Variants in CDO1 observed in about 807,000 individuals in gnomAD.
CDO1 encodes the protein cysteine dioxygenase, type I.
In CDO1, 19 loss-of-function variants were observed where a neutral mutation model predicts 24.5. The ratio of observed to expected loss-of-function variants is 0.77; its 90% CI spans 0.54 to 1.14. CDO1 has a LOEUF of 1.14. CDO1 is among the 50% of genes most tolerant of loss of function. CDO1 has a pLI of 0.00. For missense variants in CDO1, 244 were observed against 244.8 expected, an observed-to-expected ratio of 1.00 and a Z score of 0.02; for synonymous variants, 91 against 87.0, an observed-to-expected ratio of 1.05 and a Z score of -0.26.
intron 3 of CDO1, among the ~76,000 whole-genome samples, chr5:115,810,385 T>A (rs183060646): frequency 4.6e-5 from 7 of 152,274 alleles, no homozygotes; most frequent in African/African-American, 9.6e-5. Context: ...AGCTCTATAA[T>A]ACTTTATATA....
Position 115,816,631 on chromosome 5 carries a change from G to A in CDO1, c.-234C>T. On this transcript the variant is annotated 5_prime_UTR_variant, in exon 1 of 5. Transcript: ENST00000250535. ...TGGATCCGGGATCGCTGGAGACGCG[G>A]TGCACACACAAATCAGGTTCAGATC... The A allele has an allele frequency of 1.8e-6, 1 of 551,472 alleles. No individual in the cohort carries two copies. The highest frequency in any genetic ancestry group is 3.1e-5 in the Admixed American group (1 of 32,308). 34.2% of individuals were successfully genotyped at this position (551,472 alleles called of 1,614,324 possible). A position where few individuals can be genotyped will look rare whatever the true frequency, so the allele number is the denominator to read the frequency against.
Position 115,806,425 on chromosome 5 carries a change from G to A in CDO1, c.497C>T (p.Ala166Val). ...TTTATGTCCTGTTCTTTGATCAAAG[G>A]CATGGCATGTATCAAAAGGTGGACT... The part of the protein sequence containing the change: ...LYSPPFDTCH[A>V]FDQRTGHKNK... Residue 166 changes from alanine (A) to valine (V), a missense_variant, in exon 4 of 5, where the codon GCC (alanine) becomes GTC (valine). Ala to Val is a moderately conservative substitution (Grantham distance 64, BLOSUM62 0). Transcript: ENST00000250535. The A allele has an allele frequency of 3.1e-6, 5 of 1,612,016 alleles. No individual in the cohort carries two copies. The highest frequency in any genetic ancestry group is 1.7e-5 in the Admixed American group (1 of 59,654).
chr5:115,811,360 T>C, intron 2 of CDO1, 45 bp from the exon 3 acceptor site: 1 of 1,425,820 alleles, frequency 7.0e-7, no homozygotes, highest in Non-Finnish European at 9.8e-7. Context: ...GATGGTCTAG[T>C]ATCCAGACCT....
intron 3 of CDO1, among the ~76,000 whole-genome samples, chr5:115,807,134 T>G (rs1371211653): frequency 6.6e-6 from 1 of 152,164 alleles, no homozygotes; most frequent in Non-Finnish European, 1.5e-5. Context: ...AAACAAAAGC[T>G]TCCATACTGA....
At chr5:115,808,232 G>C (rs1200247061) in intron 3 of CDO1, among the ~76,000 whole-genome samples, 1 of 152,100 alleles carries the variant, frequency 6.6e-6, no homozygotes, top group East Asian at 1.9e-4. Flanking sequence ...TTCCATCTTA[G>C]CCTCCCAAAG....
At chr5:115,809,779 C>G (rs1002074748) in intron 3 of CDO1, 1 of 151,974 alleles carries the variant, frequency 6.6e-6, no homozygotes. Context: ...CATATCCCAC[C>G]GAATATTTTA....
At chr5:115,812,489 A>T (rs1015361868) in intron 2 of CDO1, among the ~76,000 whole-genome samples, 1 of 152,220 alleles carries the variant, frequency 6.6e-6, no homozygotes, top group Non-Finnish European at 1.5e-5. Context: ...ATGCTTTTCT[A>T]GCTTCAAATC....
rs555218569 is a variant in CDO1 at position 115,807,519 on chromosome 5, C to G, written c.404-1001G>C. On this transcript the variant is annotated intron_variant, in intron 3 of 4. Transcript: ENST00000250535. ...CTACTCAGGGGAAGTGTTCAAAAAC[C>G]TATCATTAATGTTTTCCTAGAAATA... is the stretch of plus-strand genomic sequence containing the variant. Among the ~76,000 whole-genome samples the G allele has an allele frequency of 2.0e-5, 3 of 152,048 alleles. No homozygotes were observed. In the South Asian group the frequency reaches 6.2e-4, roughly 32 times the overall value.
chr5:115,814,903 C>T (rs951131224), intron 1 of CDO1, among the ~76,000 whole-genome samples: 1 of 152,170 alleles, frequency 6.6e-6, no homozygotes, highest in African/African-American at 2.4e-5. Flanking sequence ...TCTTCAATTA[C>T]CTGGAGCAAA....
chr5:115,811,149 A>G lies in CDO1; in HGVS notation c.403+12T>C. ...CTTCCCACTTGCCCTTAGAAAAAGA[A>G]TAAGATGTTACCATTGATGTAGGCA... On this transcript the variant is annotated intron_variant, in intron 3 of 4. Transcript: ENST00000250535. 3 of 1,610,468 alleles carry G rather than the reference A, an allele frequency of 1.9e-6. No homozygotes were observed. The highest frequency in any genetic ancestry group is 1.1e-5 in the South Asian group (1 of 90,356).
chr5:115,814,748 G>A (rs1240094721), intron 1 of CDO1, among the ~76,000 whole-genome samples: 1 of 152,212 alleles, frequency 6.6e-6, no homozygotes. Flanking sequence ...GTGGTTTAGA[G>A]TGTAGGCTCT....
intron 3 of CDO1, 59 bp downstream of exon 3, chr5:115,811,102 T>C (rs1760166796): frequency 1.3e-6 from 2 of 1,486,900 alleles, no homozygotes; most frequent in Middle Eastern, 1.7e-4. Flanking sequence ...GTAACCAATA[T>C]TTCAGACAAA....
Position 115,805,419 on chromosome 5 carries a change from G to A in CDO1, c.*14C>T, listed in dbSNP as rs1472712470. 6.2e-7 allele frequency: 1 copy of A among 1,613,064 alleles called. No homozygotes were observed. Among genetic ancestry groups the A allele is most frequent in the African/African-American group, 1.3e-5 (1 of 74,932 alleles). On this transcript the variant is annotated 3_prime_UTR_variant, in exon 5 of 5. Transcript: ENST00000250535. ...GCGAACCTTAAAGTAAAACCTCAGAGGGTTTGGTGCCCCTTAGTTGTTCTC... is the reference window on the plus strand; with the variant it reads ...GCGAACCTTAAAGTAAAACCTCAGAAGGTTTGGTGCCCCTTAGTTGTTCTC...
chr5:115,813,516 C>T (rs930263653), intron 1 of CDO1, among the ~76,000 whole-genome samples: 1 of 152,016 alleles, frequency 6.6e-6, no homozygotes, highest in East Asian at 1.9e-4. Context: ...GGAAAAAAAC[C>T]GAAATTGCAT....
intron 1 of CDO1, among the ~76,000 whole-genome samples, chr5:115,814,803 G>A (rs1157893195): frequency 1.3e-5 from 2 of 152,212 alleles, no homozygotes; most frequent in African/African-American, 4.8e-5. Context: ...GCTATCGATA[G>A]AAGACCTAGT....
At chr5:115,814,085 C>T (rs1232798522) in intron 1 of CDO1, 1 of 151,686 alleles carries the variant, frequency 6.6e-6, no homozygotes. Context: ...GGGGTCTTTA[C>T]TCCATTTTTT....
At chr5:115,815,744 G>A (rs868732938) in intron 1 of CDO1, among the ~76,000 whole-genome samples, 51 of 152,314 alleles carry the variant, frequency 3.3e-4, no homozygotes, top group African/African-American at 8.9e-4. Flanking sequence ...GGCTGATGTA[G>A]TGCTCCCCTG....
chr5:115,811,354 G>A (rs770940943), intron 2 of CDO1, 39 bp from the exon 3 acceptor site: 2 of 1,536,372 alleles, frequency 1.3e-6, no homozygotes, highest in Non-Finnish European at 9.0e-7. Context: ...TCAGTAGATG[G>A]TCTAGTATCC....
At chr5:115,810,295 G>A (rs1473455309) in intron 3 of CDO1, among the ~76,000 whole-genome samples, 1 of 152,048 alleles carries the variant, frequency 6.6e-6, no homozygotes, top group Non-Finnish European at 1.5e-5. Context: ...CTTTGCAAGT[G>A]ACTTGTATAT....
Sources: allele counts gnomAD v4.1 joint callset (sites outside exome capture counted in the v4.1 genomes callset), GRCh38; gene constraint gnomAD v4.1.1; transcripts MANE v1.5; gene names NCBI Gene and HGNC (gene_info 2026-07-23, HGNC 2026-07-21).